EP400: variants seen among roughly 807,000 people sequenced by gnomAD.
EP400 encodes E1A-binding protein p400.
EP400 carries 105 observed loss-of-function variants against 354.1 expected under a neutral mutation model. The observed-to-expected ratio is 0.30, with a 90% CI of 0.25 to 0.35. The LOEUF is 0.35. Ranked by LOEUF, EP400 falls within the 10% of genes least tolerant of loss-of-function variation. The probability of loss-of-function intolerance (pLI) is 1.00; values close to 1 mark genes in which losing one functional copy is unlikely to be tolerated. For missense variants in EP400, 3,280 were observed against 4,121.0 expected, an observed-to-expected ratio of 0.80 and a Z score of 5.59; for synonymous variants, 1,646 against 1,716.9, an observed-to-expected ratio of 0.96 and a Z score of 1.02.
chr12:132,011,972 AGAG>A (rs1197610759), intron 16 of EP400, among the ~76,000 whole-genome samples: 2 of 152,240 alleles, frequency 1.3e-5, no homozygotes, highest in Non-Finnish European at 2.9e-5. Flanking sequence ...CCACAGGCAC[AGAG>A]GAGAAGCTAG....
In EP400 at chr12:132,055,227, G is replaced by A. The variant is rs1327050648; in HGVS notation, c.7884+19G>A. On this transcript the variant is annotated intron_variant, in intron 45 of 52. Coordinates refer to ENST00000389561, the MANE Select transcript of EP400 (RefSeq NM_015409.5). The stretch of plus-strand genomic sequence containing the variant: ...CTTGACTGTGAGTTGCGCTTCACCT[G>A]GGTTGTGCACCTTGACTGCATTCTG... 3.3e-6 allele frequency: 5 copies of A among 1,530,466 alleles called. No individual in the cohort carries two copies. The highest frequency in any genetic ancestry group is 1.8e-4 in the Middle Eastern group (1 of 5,656). The allele number at this position is 1,530,466 out of a possible 1,614,324, so 94.8% of individuals were successfully genotyped here.
At position 132,029,351 on chromosome 12, in the gene EP400, G is replaced by T. The variant is rs902895746; in HGVS notation, c.5382-350G>T. On this transcript the variant is annotated intron_variant, in intron 27 of 52. Transcript: ENST00000389561. This position sits in a 1 kb window ranked among gnomAD's most constrained non-coding sequence, Gnocchi z 4.7. Reference sequence around the variant, plus strand: ...TGGCTATAGCAGTTCTAGGGTCCACGAGACAGTGCACCTTTGTCCCAAAGT... The same window carrying T: ...TGGCTATAGCAGTTCTAGGGTCCACTAGACAGTGCACCTTTGTCCCAAAGT... 5 of 318,494 alleles carry T rather than the reference G, an allele frequency of 1.6e-5. No homozygotes were observed. The East Asian group carries it at 2.4e-4, about 15-fold the overall frequency. 19.7% of individuals were successfully genotyped at this position (318,494 alleles called of 1,614,324 possible).
At chr12:132,058,335 T>C (rs913850635) in intron 45 of EP400, among the ~76,000 whole-genome samples, 1 of 151,340 alleles carries the variant, frequency 6.6e-6, no homozygotes. Context: ...GGGCTTTGGA[T>C]ATTGGGCTAA....
chr12:132,043,489 A>G (rs1184486390), intron 33 of EP400, 27 bp downstream of exon 33: 9 of 1,600,258 alleles, frequency 5.6e-6, no homozygotes, highest in Admixed American at 1.8e-5. Context: ...CTTTACAACT[A>G]CATATTTTAA....
chr12:131,956,479 T>C (rs546210873), intron 1 of EP400, among the ~76,000 whole-genome samples: 3 of 152,236 alleles, frequency 2.0e-5, no homozygotes, highest in African/African-American at 7.2e-5. Context: ...TTTTTTGTTA[T>C]TCTACAGTGA....
chr12:131,960,717 A>AACCCC lies in EP400; in HGVS notation c.98_99insACCCC (p.Asn33LysfsTer31). ...GGTGAGGAGCAGCCGGCCCACCCCA[A>AACCCC]CCCACCCCCGTCCCCCGCAGCTCCC... On this transcript the variant is annotated frameshift_variant, in exon 2 of 53. Transcript: ENST00000389561. LOFTEE classifies it high-confidence loss of function. The AACCCC allele has an allele frequency of 2.0e-5, 4 of 196,098 alleles. No homozygotes were observed. Among genetic ancestry groups the AACCCC allele is most frequent in the Non-Finnish European group, 3.8e-5 (4 of 105,956 alleles). 12.1% of individuals were successfully genotyped at this position (196,098 alleles called of 1,614,324 possible). A position where few individuals can be genotyped will look rare whatever the true frequency, so the allele number is the denominator to read the frequency against.
chr12:131,974,578 GCT>G (rs1390591241), intron 2 of EP400, among the ~76,000 whole-genome samples: 2 of 152,164 alleles, frequency 1.3e-5, no homozygotes, highest in Non-Finnish European at 2.9e-5. Context: ...CCATGGATAA[GCT>G]CTGTTTTGGT....
chr12:132,010,301 G>A (rs569345430), intron 15 of EP400, among the ~76,000 whole-genome samples: 8 of 151,974 alleles, frequency 5.3e-5, no homozygotes, highest in African/African-American at 1.7e-4. Context: ...TGGTCAGGCC[G>A]GTCTTGAACT....
chr12:132,043,273 T>C (rs1477132429), intron 32 of EP400, 31 bp from the exon 33 acceptor site: 1 of 1,591,790 alleles, frequency 6.3e-7, no homozygotes, highest in Non-Finnish European at 8.5e-7. Flanking sequence ...AAAAAGTCTA[T>C]CAAGGCAATC....
At chr12:131,979,863 A>G (rs959759972) in intron 3 of EP400, 70 bp downstream of exon 3, 8 of 1,338,688 alleles carry the variant, frequency 6.0e-6, no homozygotes, top group Admixed American at 2.8e-5. Context: ...TACAGTTGCC[A>G]TGAGTTTCTG....
At chr12:132,008,633 T>G (rs1170644756) in intron 15 of EP400, among the ~76,000 whole-genome samples, 1 of 151,032 alleles carries the variant, frequency 6.6e-6, no homozygotes, top group Non-Finnish European at 1.5e-5. Flanking sequence ...CAGGCCAGAG[T>G]GCACTGGTGC....
chr12:132,025,672 C>T lies in EP400; in HGVS notation c.4882C>T (p.Pro1628Ser). The T allele has an allele frequency of 6.2e-7, 1 of 1,610,678 alleles. No homozygotes were observed. Among genetic ancestry groups the T allele is most frequent in the South Asian group, 1.1e-5 (1 of 90,748 alleles). The change falls in exon 25 of 53, where the codon CCC becomes TCC. Residue 1628 changes from proline (P) to serine (S), a missense_variant. This residue lies in a region of EP400 where 459 missense variants were observed against 496.9 expected (regional missense o/e 0.92). Transcript: ENST00000389561. This position sits in a 1 kb window ranked among gnomAD's most constrained non-coding sequence, Gnocchi z 4.1. ...CAGCGTCCTCCAGATCGTGTCCGCC[C>T]CCGGGCAGCCCTACCTTCGAGCCCC... is the stretch of plus-strand genomic sequence containing the variant. ...QGSVLQIVSA[P>S]GQPYLRAPGP... is the part of the protein sequence containing the mutation.
At chr12:132,036,029 T>TC (rs1894695835) in intron 30 of EP400, among the ~76,000 whole-genome samples, 1 of 131,640 alleles carries the variant, frequency 7.6e-6, no homozygotes, top group Admixed American at 7.5e-5. Flanking sequence ...CATGGAACGC[T>TC]GTGGAAGCAC....
chr12:132,050,508 G>A lies in EP400; in HGVS notation c.7337+49G>A. The A allele has an allele frequency of 6.2e-7, 1 of 1,613,050 alleles. No individual in the cohort carries two copies. The highest frequency in any genetic ancestry group is 8.5e-7 in the Non-Finnish European group (1 of 1,179,124). ...TATGTTCATTATGACTGAGTAGATT[G>A]CGTGAAGCTTGGTTTTGATGTGTTT... On this transcript the variant is annotated intron_variant, in intron 40 of 52. Coordinates refer to ENST00000389561, the MANE Select transcript of EP400 (RefSeq NM_015409.5). This position sits in a 1 kb window ranked among gnomAD's most constrained non-coding sequence, Gnocchi z 4.8.
intron 15 of EP400, 45 bp from the exon 16 acceptor site, chr12:132,011,453 A>C (rs1190688130): frequency 6.2e-7 from 1 of 1,609,584 alleles, no homozygotes; most frequent in African/African-American, 1.3e-5. Context: ...GTGCCTGGAC[A>C]TGACAGATAC....
chr12:132,007,325 T>C (rs1893617352), intron 15 of EP400, among the ~76,000 whole-genome samples: 2 of 152,286 alleles, frequency 1.3e-5, no homozygotes, highest in South Asian at 2.1e-4. Flanking sequence ...TTGCTGGATT[T>C]CACCTGTCAA....
chr12:132,052,493 A>G lies in EP400; in HGVS notation c.7395-653A>G, dbSNP rs1313481839. On this transcript the variant is annotated intron_variant, in intron 41 of 52. Transcript: ENST00000389561. The surrounding 1 kb of genome is among the most constrained non-coding windows in gnomAD (Gnocchi z 4.4). ...TTAACTGCCCTCGTGAGATGTTTTC[A>G]GAGCGCACTGTTGAGAATTGCAGCC... Among the ~76,000 whole-genome samples the G allele has an allele frequency of 6.6e-6, 1 of 152,228 alleles. No individual in the cohort carries two copies. The highest frequency in any genetic ancestry group is 1.5e-5 in the Non-Finnish European group (1 of 68,042).
chr12:132,016,141 C>G (rs1256822831), intron 19 of EP400, among the ~76,000 whole-genome samples: 1 of 152,236 alleles, frequency 6.6e-6, no homozygotes, highest in African/African-American at 2.4e-5. Flanking sequence ...ATGTGATTTG[C>G]CCTGGCCCTT....
rs1455077205 is a variant in EP400 at position 132,077,534 on chromosome 12, C to T, written c.9233C>T (p.Ser3078Leu). The change falls in exon 53 of 53, where the codon TCG (serine) becomes TTG (leucine). Residue 3078 changes from serine (S) to leucine (L), a missense_variant. Physicochemically the swap from Ser to Leu is moderately radical, Grantham distance 145. This residue lies in a region of EP400 where 279 missense variants were observed against 386.7 expected (regional missense o/e 0.72). Transcript: ENST00000389561. ...CAGCAGCAGGTGGTGACCACGGCGTCGGCCCCGCTCCAGACTCCAGGCGCT... is the reference window on the plus strand; with the variant it reads ...CAGCAGCAGGTGGTGACCACGGCGTTGGCCCCGCTCCAGACTCCAGGCGCT... ...LIQQQVVTTA[S>L]APLQTPGAPN... The T allele has an allele frequency of 2.5e-6, 4 of 1,613,720 alleles. No homozygotes were observed. The highest frequency in any genetic ancestry group is 3.3e-5 in the Admixed American group (2 of 59,998).
Sources: allele counts gnomAD v4.1 joint callset (sites outside exome capture counted in the v4.1 genomes callset), GRCh38; gene constraint gnomAD v4.1.1; regional missense constraint gnomAD v4.1.1; non-coding constraint Gnocchi (gnomAD v3.1); transcripts MANE v1.5; gene names NCBI Gene and HGNC (gene_info 2026-07-23, HGNC 2026-07-21).